ATP7B: variants seen among roughly 807,000 people sequenced by gnomAD.
The protein encoded by ATP7B is copper-transporting ATPase 2.
Under a neutral mutation model 118.9 loss-of-function variants are expected in ATP7B, and 113 were observed. That is an observed-to-expected ratio of 0.95 (90% CI 0.82 to 1.11). ATP7B has a LOEUF of 1.11. ATP7B is among the 50% of genes most tolerant of loss of function. The probability of loss-of-function intolerance (pLI) is 0.00; values close to 1 mark genes in which losing one functional copy is unlikely to be tolerated. For synonymous variants in ATP7B, 777 were observed against 727.4 expected (o/e 1.07, Z -1.10); for missense variants, 1,867 against 1,871.4 (o/e 1.00, Z 0.04).
chr13:51,961,251 C>T (rs998764449), intron 6 of ATP7B, among the ~76,000 whole-genome samples: 2 of 151,854 alleles, frequency 1.3e-5, no homozygotes, highest in African/African-American at 2.4e-5. Flanking sequence ...TGGGCCCCTC[C>T]GAGACAGGGA....
chr13:51,975,623 A>G (rs1466137704), intron 1 of ATP7B: 2 of 491,876 alleles, frequency 4.1e-6, no homozygotes, highest in Non-Finnish European at 8.2e-6. Flanking sequence ...CTGCTGAAAT[A>G]CAAACCCCAG....
intron 8 of ATP7B, chr13:51,957,895 A>G: frequency 4.1e-6 from 2 of 485,804 alleles, no homozygotes; most frequent in Non-Finnish European, 7.5e-6. Flanking sequence ...GTTCAATCTA[A>G]TTTCTTTTAG....
intron 1 of ATP7B, among the ~76,000 whole-genome samples, chr13:51,992,662 T>A (rs28475571): frequency 7.2e-5 from 11 of 152,142 alleles, no homozygotes; most frequent in African/African-American, 2.7e-4. Context: ...ATCCTAAATT[T>A]AAAAGTGGAA....
chr13:51,995,433 G>A (rs1953157068), intron 1 of ATP7B: 1 of 752,064 alleles, frequency 1.3e-6, no homozygotes, highest in Non-Finnish European at 1.6e-6. Flanking sequence ...CTAACCCCAG[G>A]GCTCTTCCTA....
chr13:51,970,609 C>A lies in ATP7B; in HGVS notation c.1426G>T (p.Ala476Ser). The change falls in exon 3 of 21, where the codon GCA becomes TCA. Residue 476 changes from alanine to serine, a missense_variant. Ala to Ser is a moderately conservative substitution (Grantham distance 99). Coordinates refer to ENST00000242839, the MANE Select transcript of ATP7B (RefSeq NM_000053.4). ...LPANHAPDIL[A>S]KSPQSTRAVA... ...GCTCTGGTTGATTGTGGGGACTTTG[C>A]CAAGATGTCCGGGGCATGGTTTGCA... 1 of 1,614,078 alleles carries A rather than the reference C, an allele frequency of 6.2e-7. No homozygotes were observed. The highest frequency in any genetic ancestry group is 1.1e-5 in the South Asian group (1 of 91,074).
chr13:51,966,991 C>G (rs901704872), intron 4 of ATP7B: 1 of 1,613,420 alleles, frequency 6.2e-7, no homozygotes, highest in Admixed American at 1.7e-5. Flanking sequence ...CAGAAAAACA[C>G]AGACTGTCTG....
intron 15 of ATP7B, 152 bp downstream of exon 15, chr13:51,942,234 G>C: frequency 8.3e-7 from 1 of 1,199,266 alleles, no homozygotes; most frequent in Non-Finnish European, 1.2e-6. Flanking sequence ...GAACATAAGA[G>C]AAACTTTCCT....
At chr13:51,954,745 G>A (rs1421694535) in intron 9 of ATP7B, among the ~76,000 whole-genome samples, 1 of 152,206 alleles carries the variant, frequency 6.6e-6, no homozygotes, top group East Asian at 1.9e-4. Context: ...AGGTGAAGAA[G>A]AATACAGACA....
At chr13:51,950,742 T>C (rs766376787) in intron 9 of ATP7B, among the ~76,000 whole-genome samples, 2 of 150,692 alleles carry the variant, frequency 1.3e-5, no homozygotes, top group Non-Finnish European at 3.0e-5. Flanking sequence ...CTTCTTAGAG[T>C]GGCAGAGGGA....
At chr13:51,942,901 G>C (rs1386923819) in intron 14 of ATP7B, among the ~76,000 whole-genome samples, 1 of 152,194 alleles carries the variant, frequency 6.6e-6, no homozygotes, top group Non-Finnish European at 1.5e-5. Context: ...TCAAATTAAA[G>C]AGGACTGCAG....
intron 1 of ATP7B, among the ~76,000 whole-genome samples, chr13:52,006,199 G>A (rs536815775): frequency 1.3e-5 from 2 of 152,074 alleles, no homozygotes; most frequent in African/African-American, 4.8e-5. Flanking sequence ...ATCTTTGTTC[G>A]GGGCTCTCAG....
At position 52,011,305 on chromosome 13, in the gene ATP7B, T is replaced by C. The variant is rs753613009; in HGVS notation, c.33A>G (p.Arg11=). The C allele has an allele frequency of 3.7e-6, 6 of 1,614,194 alleles. No individual in the cohort carries two copies. The highest frequency in any genetic ancestry group is 4.2e-6 in the Non-Finnish European group (5 of 1,180,010). Residue 11 remains arginine (R), a synonymous_variant, in exon 1 of 21, where the codon AGA becomes AGG. Transcript: ENST00000242839. ...AACTCACTTTCCGACTGGCCCCTTC[T>C]CTGGCTGTGATCTGTCTCTCCTGCT... The part of the protein sequence containing the change: MPEQERQITA[R]EGASRKILSK...
At position 51,939,226 on chromosome 13, in the gene ATP7B, C is replaced by T. The variant is rs544293596; in HGVS notation, c.3557-33G>A. The stretch of plus-strand genomic sequence containing the variant: ...GAACCAGCCAGCATCAGCAGCTACA[C>T]AAGTTGGGGCACCCCGCACCAAGAT... On this transcript the variant is annotated intron_variant, in intron 16 of 20. Coordinates refer to ENST00000242839, the MANE Select transcript of ATP7B (RefSeq NM_000053.4). 30 of 1,610,002 alleles carry T rather than the reference C, an allele frequency of 1.9e-5. No individual in the cohort carries two copies. The South Asian group carries it at 3.2e-4, about 17-fold the overall frequency.
At chr13:51,965,181 G>T in intron 4 of ATP7B, 148 bp from the exon 5 acceptor site, 1 of 952,408 alleles carries the variant, frequency 1.0e-6, no homozygotes, top group Non-Finnish European at 1.6e-6. Context: ...TCCAAACCCC[G>T]CATGTGAGAT....
At chr13:51,975,636 T>C (rs528147631) in intron 1 of ATP7B, 4 of 477,718 alleles carry the variant, frequency 8.4e-6, no homozygotes, top group South Asian at 3.0e-5. Flanking sequence ...AACCCCAGAA[T>C]AGTCAACACC....
intron 13 of ATP7B, among the ~76,000 whole-genome samples, chr13:51,944,651 C>T (rs1319552022): frequency 6.6e-6 from 1 of 152,200 alleles, no homozygotes; most frequent in African/African-American, 2.4e-5. Context: ...ACACCTGCCT[C>T]CCTGTCCACT....
At chr13:51,953,806 G>T (rs917836862) in intron 9 of ATP7B, among the ~76,000 whole-genome samples, 5 of 134,010 alleles carry the variant, frequency 3.7e-5, no homozygotes, top group African/African-American at 5.6e-5. Context: ...TAGCATTATG[G>T]TCACTGGTCT....
intron 2 of ATP7B, among the ~76,000 whole-genome samples, chr13:51,971,541 G>C (rs1951843024): frequency 6.6e-6 from 1 of 152,158 alleles, no homozygotes; most frequent in Non-Finnish European, 1.5e-5. Flanking sequence ...CTAATAACCT[G>C]ATTGCACGGT....
chr13:51,992,598 C>CAGCT (rs1422614873), intron 1 of ATP7B, among the ~76,000 whole-genome samples: 1 of 152,104 alleles, frequency 6.6e-6, no homozygotes, highest in Non-Finnish European at 1.5e-5. Flanking sequence ...AATCATAAAC[C>CAGCT]AGCTACTGCA....
Sources: allele counts gnomAD v4.1 joint callset (sites outside exome capture counted in the v4.1 genomes callset), GRCh38; gene constraint gnomAD v4.1.1; transcripts MANE v1.5; gene names NCBI Gene and HGNC (gene_info 2026-07-23, HGNC 2026-07-21).